CCDC171: variants seen among roughly 807,000 people sequenced by gnomAD.
The protein encoded by CCDC171 is coiled-coil domain containing 171.
A neutral mutation model predicts 168.2 loss-of-function variants in CCDC171; 177 were observed. The observed-to-expected ratio is 1.05, with a 90% CI of 0.93 to 1.19. The LOEUF (loss-of-function observed/expected upper bound fraction) is 1.19, where lower values mean the gene tolerates loss of function less well. Ranked by LOEUF, CCDC171 falls within the 50% of genes most tolerant of loss-of-function variation. CCDC171 has a pLI of 0.00. For missense variants in CCDC171, 1,991 were observed against 1,539.0 expected (o/e 1.29, Z -4.91); for synonymous variants, 687 against 540.8 (o/e 1.27, Z -3.75).
At chr9:15,681,441 T>C (rs2050036512) in intron 10 of CCDC171, among the ~76,000 whole-genome samples, 1 of 152,134 alleles carries the variant, frequency 6.6e-6, no homozygotes, top group Admixed American at 6.6e-5. Context: ...TCCTCTTCTT[T>C]CTTCTTCCCT....
chr9:15,974,457 A>G (rs781721605), downstream of CCDC171, among the ~76,000 whole-genome samples: 2 of 152,198 alleles, frequency 1.3e-5, no homozygotes, highest in Non-Finnish European at 2.9e-5. Context: ...AATGACTTCA[A>G]ATATTTTTGT....
chr9:15,836,533 A>G (rs2060458166), intron 21 of CCDC171, among the ~76,000 whole-genome samples: 1 of 151,930 alleles, frequency 6.6e-6, no homozygotes, highest in African/African-American at 2.4e-5. Context: ...TTGTATTTTT[A>G]GTAGAGACGA....
At chr9:15,807,236 G>A (rs530261606) in intron 21 of CCDC171, among the ~76,000 whole-genome samples, 8 of 152,254 alleles carry the variant, frequency 5.3e-5, no homozygotes, top group African/African-American at 1.9e-4. Context: ...ACTCAGTCTG[G>A]TTAGGAACCC....
chr9:16,057,572 G>C (rs926989572), intron 1 of CCDC171, among the ~76,000 whole-genome samples: 9 of 152,254 alleles, frequency 5.9e-5, no homozygotes, highest in Non-Finnish European at 1.2e-4. Context: ...TATCTGGTAG[G>C]ATCTGCACCT....
At chr9:15,789,125 C>T (rs1438088201) in intron 21 of CCDC171, among the ~76,000 whole-genome samples, 1 of 152,058 alleles carries the variant, frequency 6.6e-6, no homozygotes, top group Non-Finnish European at 1.5e-5. Flanking sequence ...TTGAGCATCC[C>T]TAATTTGAAA....
chr9:16,011,854 C>T (rs924640495), intron 3 of CCDC171, among the ~76,000 whole-genome samples: 1 of 152,106 alleles, frequency 6.6e-6, no homozygotes, highest in Non-Finnish European at 1.5e-5. Flanking sequence ...GAGGGTTTTC[C>T]ACTCCTGCTC....
At chr9:15,574,980 G>A (rs1304510063) in intron 3 of CCDC171, among the ~76,000 whole-genome samples, 1 of 152,054 alleles carries the variant, frequency 6.6e-6, no homozygotes, top group Non-Finnish European at 1.5e-5. Context: ...AGGTGATTGG[G>A]ATGGGAAAAT....
intron 9 of CCDC171, among the ~76,000 whole-genome samples, chr9:15,676,391 C>T (rs1427274615): frequency 3.3e-5 from 5 of 152,018 alleles, no homozygotes. Context: ...TCGTCAAACT[C>T]ATTCTCCATC....
Position 15,874,571 on chromosome 9 carries a change from A to T in CCDC171, c.3508A>T (p.Arg1170Trp). ...QISLSWSAAS[R>W]NDFTLQLPKL... ...CTCGCTGTCATGGTCTGCGGCAAGTAGGAATGACTTCACCCTACAGCTACC... is the reference window on the plus strand; with the variant it reads ...CTCGCTGTCATGGTCTGCGGCAAGTTGGAATGACTTCACCCTACAGCTACC... Residue 1170 changes from arginine to tryptophan, a missense_variant, in exon 24 of 26, where the codon AGG (arginine) becomes TGG (tryptophan). Coordinates refer to ENST00000380701, the MANE Select transcript of CCDC171 (RefSeq NM_173550.4). 1.2e-6 allele frequency: 2 copies of T among 1,608,394 alleles called. No homozygotes were observed. The highest frequency in any genetic ancestry group is 8.5e-7 in the Non-Finnish European group (1 of 1,177,500).
At chr9:15,838,368 C>G (rs1434744648) in intron 21 of CCDC171, among the ~76,000 whole-genome samples, 1 of 152,016 alleles carries the variant, frequency 6.6e-6, no homozygotes, top group Non-Finnish European at 1.5e-5. Flanking sequence ...ATGATATAGC[C>G]AGAATGACCT....
chr9:15,989,937 C>T (rs534702753), intron 3 of CCDC171, among the ~76,000 whole-genome samples: 1 of 152,068 alleles, frequency 6.6e-6, no homozygotes, highest in Non-Finnish European at 1.5e-5. Context: ...GTGAAAAGAC[C>T]ATATCTATGT....
intron 7 of CCDC171, among the ~76,000 whole-genome samples, chr9:15,654,256 T>A (rs7025669): frequency 0.45 from 69,081 of 151,912 alleles, 16,365 homozygotes; most frequent in East Asian, 0.77. Flanking sequence ...AGAAATATTT[T>A]CCATAGGGTT....
chr9:15,916,855 G>T (rs111485711), intron 24 of CCDC171, among the ~76,000 whole-genome samples: 15 of 152,008 alleles, frequency 9.9e-5, no homozygotes, highest in African/African-American at 3.6e-4. Flanking sequence ...ACTGTCTTTT[G>T]TTCTTCATAT....
intron 4 of CCDC171, 62 bp downstream of exon 4, chr9:15,579,085 G>T: frequency 2.3e-6 from 3 of 1,330,490 alleles, no homozygotes; most frequent in Non-Finnish European, 2.1e-6. Flanking sequence ...ATCACTCCTC[G>T]CTGTTGTGTG....
In CCDC171 at chr9:15,728,002, C is replaced by T; in HGVS notation, c.1826C>T (p.Ala609Val). 3 of 1,612,814 alleles carry T rather than the reference C, an allele frequency of 1.9e-6. No homozygotes were observed. The South Asian group carries it at 3.3e-5, about 18-fold the overall frequency. ...GCAGTCTTACAGGAGAATGTTGATG[C>T]CCTGATTGCAGACCTCAACAGGGCT... ...LCAVLQENVD[A>V]LIADLNRANE... The change falls in exon 15 of 26, where the codon GCC becomes GTC. Residue 609 changes from alanine to valine, a missense_variant. Physicochemically the swap from Ala to Val is moderately conservative, Grantham distance 64 (BLOSUM62 0). Transcript: ENST00000380701.
At chr9:15,797,906 A>G (rs772705143) in intron 21 of CCDC171, among the ~76,000 whole-genome samples, 9 of 152,066 alleles carry the variant, frequency 5.9e-5, no homozygotes, top group African/African-American at 1.9e-4. Flanking sequence ...TCCTTTTTCT[A>G]TTGAATTACC....
chr9:15,987,805 G>C (rs932821542), intron 3 of CCDC171, among the ~76,000 whole-genome samples: 2 of 152,040 alleles, frequency 1.3e-5, no homozygotes, highest in African/African-American at 2.4e-5. Flanking sequence ...GAGATATCTT[G>C]GGGATGGGAC....
rs369751923 is a variant in CCDC171 at position 15,791,313 on chromosome 9, A to G, written c.3267+6619A>G. On this transcript the variant is annotated intron_variant, in intron 21 of 25. Coordinates refer to ENST00000380701, the MANE Select transcript of CCDC171 (RefSeq NM_173550.4). ...AGTTCTCCTTGAAGAGGTCCTTCAC[A>G]TCCCTTGTAAGTTGGATTCCTAGGT... Among the ~76,000 whole-genome samples, 14 of 152,178 alleles carry G rather than the reference A, an allele frequency of 9.2e-5. No homozygotes were observed. In the East Asian group the frequency reaches 1.5e-3, roughly 17 times the overall value.
chr9:15,645,561 C>A (rs567863675), intron 7 of CCDC171, among the ~76,000 whole-genome samples: 3 of 152,094 alleles, frequency 2.0e-5, no homozygotes, highest in Non-Finnish European at 2.9e-5. Flanking sequence ...AATAACCTGA[C>A]TGAGCTGAAA....
Sources: gnomAD v4.1 joint callset for allele counts (sites outside exome capture counted in the v4.1 genomes callset) on GRCh38, gnomAD v4.1.1 for gene constraint, MANE v1.5 for transcripts, NCBI Gene and HGNC (gene_info 2026-07-23, HGNC 2026-07-21) for gene names.